Variants in SCAF11 observed in about 807,000 individuals in gnomAD.
SCAF11 encodes the protein protein SCAF11.
SCAF11 carries 47 observed loss-of-function variants against 140.5 expected under a neutral mutation model. The observed-to-expected ratio is 0.33, with a 90% CI of 0.26 to 0.43. SCAF11 has a LOEUF of 0.43. Ranked by LOEUF, SCAF11 falls within the 20% of genes least tolerant of loss-of-function variation. The pLI is 1.00. For synonymous variants in SCAF11, 557 were observed against 579.4 expected (o/e 0.96, Z 0.55); for missense variants, 1,645 against 1,705.1 (o/e 0.96, Z 0.62).
intron 5 of SCAF11, among the ~76,000 whole-genome samples, chr12:45,947,133 A>C (rs1945440556): frequency 6.6e-6 from 1 of 152,224 alleles, no homozygotes; most frequent in Non-Finnish European, 1.5e-5. Context: ...GAAAAGTACT[A>C]ATGAATCATA....
At chr12:45,962,292 A>G (rs1221795297) in intron 2 of SCAF11, among the ~76,000 whole-genome samples, 1 of 152,146 alleles carries the variant, frequency 6.6e-6, no homozygotes, top group Non-Finnish European at 1.5e-5. Flanking sequence ...TACTATACAC[A>G]CTAGTCTGCT....
chr12:45,922,748 A>C (rs1430770873), intron 13 of SCAF11, among the ~76,000 whole-genome samples, 166 bp from the exon 14 acceptor site: 1 of 152,234 alleles, frequency 6.6e-6, no homozygotes, highest in African/African-American at 2.4e-5. Context: ...AACATTTCTA[A>C]AAACAATTAT....
rs575619411 is a variant in SCAF11, at chr12:45,920,843, T to C, written c.*1205A>G. 5 of 152,468 alleles carry C rather than the reference T, an allele frequency of 3.3e-5. No individual in the cohort carries two copies. The East Asian group carries it at 5.8e-4, about 18-fold the overall frequency. The allele number at this position is 152,468 out of a possible 1,614,324, so 9.4% of individuals were successfully genotyped here. On this transcript the variant is annotated 3_prime_UTR_variant, in exon 15 of 15. Coordinates refer to ENST00000369367, the MANE Select transcript of SCAF11 (RefSeq NM_004719.3). ...AAACAACAACTTTACGCCAGTGCCA[T>C]GAGTCTTGTAATTCTTAGCCCCAAG...
chr12:45,948,122 C>T lies in SCAF11; in HGVS notation c.398+315G>A, dbSNP rs149279044. Among the ~76,000 whole-genome samples, 233 of 152,128 alleles carry T rather than the reference C, an allele frequency of 1.5e-3. 1 individual carries two copies. Among genetic ancestry groups the T allele is most frequent in the Non-Finnish European group, 2.5e-3 (171 of 68,004 alleles). On this transcript the variant is annotated intron_variant, in intron 5 of 14. Transcript: ENST00000369367. ...TTAGTAGAGACAGAGGAGGGGAGGA[C>T]GGTCCTCACTATGTTCCCCAGGCTG... is the stretch of plus-strand genomic sequence containing the variant.
intron 1 of SCAF11, among the ~76,000 whole-genome samples, chr12:45,981,537 T>C (rs1226656923): frequency 6.6e-6 from 1 of 152,222 alleles, no homozygotes; most frequent in Admixed American, 6.5e-5. Flanking sequence ...ATAAATATAA[T>C]CCGTCATCCT....
In SCAF11 at chr12:45,947,707, T is replaced by A. The variant is rs12301327; in HGVS notation, c.398+730A>T. Among the ~76,000 whole-genome samples the A allele has an allele frequency of 1.6e-3, 247 of 152,322 alleles. 2 individuals are homozygous for A. Among genetic ancestry groups the A allele is most frequent in the African/African-American group, 5.7e-3 (239 of 41,578 alleles). On this transcript the variant is annotated intron_variant, in intron 5 of 14. Transcript: ENST00000369367. ...TTGGTTTGTTTTTGAGACAGAGTCT[T>A]GCTCTGTTGCTCAGGCTGGAATGCA... is the stretch of plus-strand genomic sequence containing the variant.
chr12:45,978,852 T>C (rs1467171981), intron 1 of SCAF11, among the ~76,000 whole-genome samples: 1 of 151,882 alleles, frequency 6.6e-6, no homozygotes, highest in Non-Finnish European at 1.5e-5. Context: ...TAAAGAAAGC[T>C]CTCTTAGTTC....
At chr12:45,968,903 G>A (rs1946009698) in intron 1 of SCAF11, among the ~76,000 whole-genome samples, 1 of 152,184 alleles carries the variant, frequency 6.6e-6, no homozygotes, top group Admixed American at 6.5e-5. Context: ...TCCAGCCTGG[G>A]CGACAGAGCG....
At chr12:45,975,591 G>T in intron 1 of SCAF11, 1 of 181,850 alleles carries the variant, frequency 5.5e-6, no homozygotes, top group South Asian at 1.5e-4. Context: ...ATCCCTCTCA[G>T]ACTTCACTGG....
intron 6 of SCAF11, among the ~76,000 whole-genome samples, chr12:45,943,660 T>C (rs563587622): frequency 6.6e-6 from 1 of 152,266 alleles, no homozygotes; most frequent in Admixed American, 6.5e-5. Flanking sequence ...CCCAGTTCCC[T>C]TCAAATCAGT....
At position 45,974,261 on chromosome 12, in the gene SCAF11, G is replaced by A. The variant is rs556301343; in HGVS notation, c.-21-10073C>T. ...GTCATAATCTTTTTGATGGTGGAGG[G>A]TCTTGCTTTGATGTTGATGGTTGCT... is the stretch of plus-strand genomic sequence containing the variant. On this transcript the variant is annotated intron_variant, in intron 1 of 14. Transcript: ENST00000369367. The A allele has an allele frequency of 8.5e-4, 401 of 469,300 alleles. 11 individuals carry two copies. The highest frequency in any genetic ancestry group is 5.6e-3 in the South Asian group (361 of 64,478). 29.1% of individuals were successfully genotyped at this position (469,300 alleles called of 1,614,324 possible). A position where few individuals can be genotyped will look rare whatever the true frequency, so the allele number is the denominator to read the frequency against.
intron 5 of SCAF11, 100 bp from the exon 6 acceptor site, chr12:45,945,413 T>C (rs571319100): frequency 7.1e-6 from 5 of 703,460 alleles, no homozygotes; most frequent in African/African-American, 5.4e-5. Context: ...AAATCTATCA[T>C]GCACTGATTT....
At position 45,928,871 on chromosome 12, in the gene SCAF11, TAA is replaced by T. The variant is rs369428457; in HGVS notation, c.842-14_842-13del. On this transcript the variant is annotated splice_polypyrimidine_tract_variant and intron_variant, in intron 10 of 14. Transcript: ENST00000369367. ...CTTGCAAGAAGTACCTAATAATATTTAAAAAAAAAAAAAAAGTAAAAAATATG... is the reference window on the plus strand; with the variant it reads ...CTTGCAAGAAGTACCTAATAATATTTAAAAAAAAAAAAAGTAAAAAATATG... 1.2e-3 allele frequency: 1,199 copies of T among 1,015,046 alleles called. No homozygotes were observed. The highest frequency in any genetic ancestry group is 1.8e-3 in the South Asian group (65 of 35,948). The allele number at this position is 1,015,046 out of a possible 1,614,324, so 62.9% of individuals were successfully genotyped here. A position where few individuals can be genotyped will look rare whatever the true frequency, so the allele number is the denominator to read the frequency against.
intron 3 of SCAF11, among the ~76,000 whole-genome samples, chr12:45,953,556 A>G (rs1265906881): frequency 6.6e-6 from 1 of 152,198 alleles, no homozygotes; most frequent in Non-Finnish European, 1.5e-5. Flanking sequence ...AAACATAGAT[A>G]AATAAAATTA....
chr12:45,925,922 C>G lies in SCAF11; in HGVS notation c.3559+220G>C, dbSNP rs550591520. On this transcript the variant is annotated intron_variant, in intron 11 of 14. Transcript: ENST00000369367. ...CAAACAGTGCTGAAAATATTTAAGT[C>G]TTTGGCAAGGTTTGGAGCAGAGGTA... 5.3e-5 allele frequency among the ~76,000 whole-genome samples: 8 copies of G among 152,158 alleles called. No individual in the cohort carries two copies. In the South Asian group the frequency reaches 1.7e-3, roughly 32 times the overall value.
chr12:45,988,307 G>A (rs1946508698), intron 1 of SCAF11, among the ~76,000 whole-genome samples: 1 of 152,106 alleles, frequency 6.6e-6, no homozygotes, highest in African/African-American at 2.4e-5. Context: ...CTTTAATTAA[G>A]GTGCTACAAC....
intron 1 of SCAF11, among the ~76,000 whole-genome samples, chr12:45,978,616 AAG>A (rs1425377078): frequency 6.6e-6 from 1 of 152,178 alleles, no homozygotes; most frequent in Non-Finnish European, 1.5e-5. Flanking sequence ...CAGAATAACA[AAG>A]AGAAGAAAGG....
At chr12:45,936,280 T>C (rs751103549) in intron 6 of SCAF11, among the ~76,000 whole-genome samples, 23 of 152,166 alleles carry the variant, frequency 1.5e-4, no homozygotes, top group Non-Finnish European at 2.9e-4. Flanking sequence ...CAGCTGGGAC[T>C]ACAGGCGCAC....
chr12:45,948,389 A>G, intron 5 of SCAF11, 48 bp downstream of exon 5: 1 of 1,226,962 alleles, frequency 8.2e-7, no homozygotes, highest in East Asian at 2.3e-5. Flanking sequence ...GTACTAGTTA[A>G]CTTCTGTTCC....
Sources: gnomAD v4.1 joint callset for allele counts (sites outside exome capture counted in the v4.1 genomes callset) on GRCh38, gnomAD v4.1.1 for gene constraint, MANE v1.5 for transcripts, NCBI Gene and HGNC (gene_info 2026-07-23, HGNC 2026-07-21) for gene names.